ZBTB2: variants seen among roughly 807,000 people sequenced by gnomAD.
ZBTB2 encodes zinc finger and BTB domain-containing protein 2.
In ZBTB2, 2 loss-of-function variants were observed where a neutral mutation model predicts 39.5. The ratio of observed to expected loss-of-function variants is 0.05; its 90% CI spans 0.02 to 0.16. The LOEUF is 0.16. ZBTB2 is among the 10% of genes least tolerant of loss of function. The pLI, the probability that ZBTB2 is intolerant of heterozygous loss-of-function variation, is 1.00. For synonymous variants in ZBTB2, 251 were observed against 256.6 expected, an observed-to-expected ratio of 0.98 and a Z score of 0.21; for missense variants, 391 against 653.0, an observed-to-expected ratio of 0.60 and a Z score of 4.37.
At chr6:151,372,668 T>C (rs939709999) in intron 2 of ZBTB2, among the ~76,000 whole-genome samples, 7 of 151,934 alleles carry the variant, frequency 4.6e-5, no homozygotes, top group Non-Finnish European at 7.4e-5. Context: ...TGTTTTAAGA[T>C]AGAAAAGAGG....
chr6:151,390,590 A>C (rs1779270782), intron 1 of ZBTB2, among the ~76,000 whole-genome samples: 1 of 150,342 alleles, frequency 6.7e-6, no homozygotes, highest in South Asian at 2.1e-4. Flanking sequence ...AGCGCGCGCG[A>C]GAGCCGGAGA....
chr6:151,372,893 G>A (rs922328432), intron 2 of ZBTB2, among the ~76,000 whole-genome samples: 15 of 152,112 alleles, frequency 9.9e-5, no homozygotes, highest in Admixed American at 5.9e-4. Flanking sequence ...GGTGGCTCAC[G>A]CCTGTAATCC....
chr6:151,386,447 T>C lies in ZBTB2; in HGVS notation c.-13+4973A>G, dbSNP rs550785308. Reference sequence around the variant, plus strand: ...CTACCAGAAGGCTGAGGTGGGAGGATTGCTTGAGCCAGGGAGGCTGAGGCT... The same window carrying C: ...CTACCAGAAGGCTGAGGTGGGAGGACTGCTTGAGCCAGGGAGGCTGAGGCT... On this transcript the variant is annotated intron_variant, in intron 1 of 2. Transcript: ENST00000325144. Among the ~76,000 whole-genome samples the C allele has an allele frequency of 7.2e-5, 11 of 152,068 alleles. No individual in the cohort carries two copies. In the East Asian group the frequency reaches 1.2e-3, roughly 16 times the overall value.
At chr6:151,386,170 T>A (rs1052586582) in intron 1 of ZBTB2, among the ~76,000 whole-genome samples, 3 of 152,176 alleles carry the variant, frequency 2.0e-5, no homozygotes, top group Non-Finnish European at 2.9e-5. Context: ...AACGAGTTCA[T>A]ATTAAAGTAA....
At chr6:151,390,094 C>G (rs948375396) in intron 1 of ZBTB2, among the ~76,000 whole-genome samples, 1 of 152,110 alleles carries the variant, frequency 6.6e-6, no homozygotes, top group African/African-American at 2.4e-5. Flanking sequence ...GGGGCCAAAC[C>G]GGGCTGTATC....
At chr6:151,389,410 T>C (rs1048557763) in intron 1 of ZBTB2, among the ~76,000 whole-genome samples, 1 of 152,224 alleles carries the variant, frequency 6.6e-6, no homozygotes, top group Non-Finnish European at 1.5e-5. Context: ...AGAATTAAAA[T>C]GGCACAGTCC....
At chr6:151,371,347 A>T (rs958375175) in intron 2 of ZBTB2, among the ~76,000 whole-genome samples, 2 of 152,206 alleles carry the variant, frequency 1.3e-5, no homozygotes, top group Non-Finnish European at 2.9e-5. Flanking sequence ...AACATAGGGG[A>T]AAGGTGCACA....
intron 1 of ZBTB2, among the ~76,000 whole-genome samples, chr6:151,387,253 C>T (rs1442713532): frequency 6.6e-6 from 1 of 152,020 alleles, no homozygotes; most frequent in Non-Finnish European, 1.5e-5. Context: ...TTGGTCTATC[C>T]ACTTTCAACG....
chr6:151,369,896 G>A (rs565871329), intron 2 of ZBTB2, among the ~76,000 whole-genome samples: 38 of 152,088 alleles, frequency 2.5e-4, no homozygotes, highest in African/African-American at 8.0e-4. Flanking sequence ...CGACAAGAGC[G>A]AGACTCCATC....
intron 2 of ZBTB2, among the ~76,000 whole-genome samples, chr6:151,373,104 G>A (rs13200596): frequency 7.7e-6 from 1 of 130,706 alleles, no homozygotes; most frequent in African/African-American, 2.8e-5. Context: ...GCAGTGAGCC[G>A]AGATTGCACC....
intron 1 of ZBTB2, among the ~76,000 whole-genome samples, chr6:151,389,581 T>C (rs1293009973): frequency 6.6e-6 from 1 of 152,212 alleles, no homozygotes; most frequent in Non-Finnish European, 1.5e-5. Context: ...GGAGTTCTGA[T>C]AATTCTGACC....
chr6:151,369,109 A>T (rs1410485105), intron 2 of ZBTB2, among the ~76,000 whole-genome samples: 1 of 152,172 alleles, frequency 6.6e-6, no homozygotes, highest in African/African-American at 2.4e-5. Context: ...ATTGTTGGAT[A>T]GGCTGTCTTA....
At position 151,380,354 on chromosome 6, in the gene ZBTB2, C is replaced by A. The variant is rs148356924; in HGVS notation, c.-12-6705G>T. On this transcript the variant is annotated intron_variant, in intron 1 of 2. Transcript: ENST00000325144. ...AAGGGTGGAGAAGGTACTATGGGCT[C>A]CACCCTGGCCCCTGCCCAGTGACAG... Among the ~76,000 whole-genome samples, 207 of 152,308 alleles carry A rather than the reference C, an allele frequency of 1.4e-3. 1 individual carries two copies. The highest frequency in any genetic ancestry group is 4.6e-3 in the African/African-American group (193 of 41,568).
chr6:151,383,362 T>C (rs1478899010), intron 1 of ZBTB2, among the ~76,000 whole-genome samples: 1 of 152,202 alleles, frequency 6.6e-6, no homozygotes, highest in Non-Finnish European at 1.5e-5. Flanking sequence ...TTATATGCAA[T>C]TGTCAGTTTG....
intron 1 of ZBTB2, among the ~76,000 whole-genome samples, chr6:151,379,469 C>G (rs1778984742): frequency 6.6e-6 from 1 of 151,494 alleles, no homozygotes; most frequent in South Asian, 2.1e-4. Context: ...GGAGAGACCC[C>G]CATCTCTATA....
At chr6:151,390,947 T>G (rs563837609) in intron 1 of ZBTB2, among the ~76,000 whole-genome samples, 1 of 149,910 alleles carries the variant, frequency 6.7e-6, no homozygotes, top group East Asian at 2.0e-4. Flanking sequence ...AGGGCGCACT[T>G]CGCGGTGGCG....
intron 1 of ZBTB2, among the ~76,000 whole-genome samples, chr6:151,384,622 C>T (rs1156472573): frequency 6.6e-6 from 1 of 152,146 alleles, no homozygotes; most frequent in Non-Finnish European, 1.5e-5. Flanking sequence ...TCTTGGTGCC[C>T]TCCAACAGGA....
At chr6:151,374,172 G>A (rs1778851366) in intron 1 of ZBTB2, among the ~76,000 whole-genome samples, 1 of 152,148 alleles carries the variant, frequency 6.6e-6, no homozygotes, top group African/African-American at 2.4e-5. Flanking sequence ...AGCAGGGCAG[G>A]GTGAGAATCA....
chr6:151,380,722 G>A (rs576232335), intron 1 of ZBTB2, among the ~76,000 whole-genome samples: 2 of 152,198 alleles, frequency 1.3e-5, no homozygotes, highest in South Asian at 2.1e-4. Context: ...TCTGGTTTTC[G>A]ACTCACCACA....
Sources: gnomAD v4.1 joint callset for allele counts (sites outside exome capture counted in the v4.1 genomes callset) on GRCh38, gnomAD v4.1.1 for gene constraint, MANE v1.5 for transcripts, NCBI Gene and HGNC (gene_info 2026-07-23, HGNC 2026-07-21) for gene names.